SDK1: variants seen among roughly 807,000 people sequenced by gnomAD.
SDK1 encodes the protein sidekick cell adhesion molecule 1, also known as protein sidekick-1.
In SDK1, 157 loss-of-function variants were observed where a neutral mutation model predicts 245.5. The ratio of observed to expected loss-of-function variants is 0.64; its 90% CI spans 0.56 to 0.73. The LOEUF (loss-of-function observed/expected upper bound fraction) is 0.73. SDK1 is among the 30% of genes least tolerant of loss of function. The probability of loss-of-function intolerance (pLI) is 0.00; values close to 1 mark genes in which losing one functional copy is unlikely to be tolerated. For synonymous variants in SDK1, 1,647 were observed against 1,278.5 expected (o/e 1.29, Z -6.15); for missense variants, 3,583 against 3,002.3 (o/e 1.19, Z -4.52).
chr7:3,491,521 T>C (rs1050193423), intron 1 of SDK1, among the ~76,000 whole-genome samples: 1 of 152,234 alleles, frequency 6.6e-6, no homozygotes, highest in Non-Finnish European at 1.5e-5. Context: ...ATTGGAGCAT[T>C]TCTTTTTCCC....
intron 17 of SDK1, among the ~76,000 whole-genome samples, chr7:4,036,272 G>T (rs1476196748): frequency 6.6e-6 from 1 of 152,124 alleles, no homozygotes; most frequent in African/African-American, 2.4e-5. Context: ...TACTATAAGG[G>T]TACAGTGTTT....
chr7:4,232,661 C>T (rs973497880), intron 40 of SDK1, among the ~76,000 whole-genome samples: 2 of 151,638 alleles, frequency 1.3e-5, no homozygotes, highest in African/African-American at 2.4e-5. Context: ...TATATGTTTC[C>T]CTGTGTTGCC....
chr7:4,241,688 G>A (rs1020325638), intron 42 of SDK1, 105 bp from the exon 43 acceptor site: 55 of 1,424,174 alleles, frequency 3.9e-5, no homozygotes, highest in Middle Eastern at 1.8e-4. Flanking sequence ...TGGGCTCTGC[G>A]TGCAGCAGGA....
chr7:4,157,412 GAAAA>G, intron 30 of SDK1, among the ~76,000 whole-genome samples: 2 of 50,964 alleles, frequency 3.9e-5, no homozygotes, highest in African/African-American at 2.4e-4. Flanking sequence ...GAGGAATGAA[GAAAA>G]GGAGGGAAGG....
At chr7:4,038,375 CAG>C (rs952343494) in intron 17 of SDK1, among the ~76,000 whole-genome samples, 10 of 143,666 alleles carry the variant, frequency 7.0e-5, no homozygotes, top group Admixed American at 1.3e-4. Flanking sequence ...CAATTGAAGA[CAG>C]GGAATTTTTT....
At position 3,588,049 on chromosome 7, in the gene SDK1, T is replaced by C. The variant is rs191086758; in HGVS notation, c.299-31031T>C. ...AATCTTATTTCAAATGTAGTAGGGA[T>C]GTTCAGCATTTCAAGGAATCCTAGG... On this transcript the variant is annotated intron_variant, in intron 1 of 44. Coordinates refer to ENST00000404826, the MANE Select transcript of SDK1 (RefSeq NM_152744.4). 7.2e-5 allele frequency among the ~76,000 whole-genome samples: 11 copies of C among 152,356 alleles called. No individual in the cohort carries two copies. The East Asian group carries it at 2.1e-3, about 29-fold the overall frequency.
At chr7:4,037,456 A>C (rs945651120) in intron 17 of SDK1, among the ~76,000 whole-genome samples, 3 of 152,080 alleles carry the variant, frequency 2.0e-5, no homozygotes, top group Non-Finnish European at 4.4e-5. Flanking sequence ...CATCTCTACA[A>C]AAAATGCAAA....
chr7:3,910,248 G>T (rs1200785208), intron 5 of SDK1, among the ~76,000 whole-genome samples: 2 of 152,150 alleles, frequency 1.3e-5, no homozygotes, highest in African/African-American at 4.8e-5. Context: ...TTCAAAGAGA[G>T]ACAAAACAAA....
intron 14 of SDK1, among the ~76,000 whole-genome samples, chr7:4,004,864 A>G (rs953289178): frequency 3.5e-5 from 5 of 143,300 alleles, no homozygotes; most frequent in African/African-American, 1.4e-4. Flanking sequence ...TCAGGATCCA[A>G]ACATGGTCCA....
At chr7:4,024,285 A>G (rs940525559) in intron 17 of SDK1, among the ~76,000 whole-genome samples, 4 of 152,242 alleles carry the variant, frequency 2.6e-5, no homozygotes, top group Non-Finnish European at 5.9e-5. Flanking sequence ...ATTATAAATG[A>G]GCACTCTGTT....
In SDK1 at chr7:3,301,883, A is replaced by G. The variant is rs1779273918; in HGVS notation, c.297A>G (p.Gln99=). 5 of 1,129,966 alleles carry G rather than the reference A, an allele frequency of 4.4e-6. No homozygotes were observed. The highest frequency in any genetic ancestry group is 5.4e-6 in the Non-Finnish European group (5 of 923,236). The allele number at this position is 1,129,966 out of a possible 1,614,324, so 70.0% of individuals were successfully genotyped here. Residue 99 remains glutamine (Q), a splice_region_variant and synonymous_variant, in exon 1 of 45, where the codon CAA becomes CAG. Coordinates refer to ENST00000404826, the MANE Select transcript of SDK1 (RefSeq NM_152744.4). ...LQLHLLRALA[Q]DDVAPYFKTE... The stretch of plus-strand genomic sequence containing the variant: ...TGCACTTGCTCCGGGCGCTGGCGCA[A>G]GGTAGGTGCGCGCGGGGTCGCGGGC...
chr7:4,127,369 G>A lies in SDK1; in HGVS notation c.3824-12G>A. ...ATTTTGGATGCTAATCTACTTCATT[G>A]GTTCTTTGCAGTTCCTTCAGCCGCC... is the stretch of plus-strand genomic sequence containing the variant. On this transcript the variant is annotated splice_polypyrimidine_tract_variant and intron_variant, in intron 25 of 44. Transcript: ENST00000404826. 3 of 1,603,202 alleles carry A rather than the reference G, an allele frequency of 1.9e-6. No individual in the cohort carries two copies. The highest frequency in any genetic ancestry group is 2.6e-6 in the Non-Finnish European group (3 of 1,170,050).
chr7:3,842,470 G>A (rs925237338), intron 5 of SDK1, among the ~76,000 whole-genome samples: 1 of 152,116 alleles, frequency 6.6e-6, no homozygotes, highest in Non-Finnish European at 1.5e-5. Context: ...CACTGTACTG[G>A]CATGGGTACT....
chr7:4,166,634 C>T (rs1040913713), intron 32 of SDK1, among the ~76,000 whole-genome samples: 2 of 152,232 alleles, frequency 1.3e-5, no homozygotes, highest in Non-Finnish European at 2.9e-5. Flanking sequence ...CTGTTCTACT[C>T]TCCACAAAGC....
intron 4 of SDK1, among the ~76,000 whole-genome samples, chr7:3,791,735 G>A (rs1384305938): frequency 5.3e-5 from 8 of 152,174 alleles, no homozygotes; most frequent in East Asian, 1.9e-4. Context: ...TTAATCAAGG[G>A]TGATCTGTTC....
intron 4 of SDK1, among the ~76,000 whole-genome samples, chr7:3,723,934 A>G (rs1778921563): frequency 8.3e-6 from 1 of 120,436 alleles, no homozygotes; most frequent in Non-Finnish European, 1.8e-5. Flanking sequence ...GTATATATAT[A>G]TATATATATA....
intron 38 of SDK1, among the ~76,000 whole-genome samples, chr7:4,219,220 G>A (rs181415599): frequency 1.3e-5 from 2 of 152,326 alleles, no homozygotes; most frequent in Admixed American, 1.3e-4. Context: ...GAGGCCTGTA[G>A]GCCGCAAGTT....
chr7:3,846,981 T>C (rs998221086), intron 5 of SDK1, among the ~76,000 whole-genome samples: 3 of 152,296 alleles, frequency 2.0e-5, no homozygotes, highest in Middle Eastern at 3.4e-3. Context: ...ACTGCGCGGC[T>C]GGCTGTCCCC....
intron 4 of SDK1, among the ~76,000 whole-genome samples, chr7:3,697,871 G>T (rs1301203241): frequency 2.6e-5 from 4 of 152,188 alleles, no homozygotes; most frequent in Non-Finnish European, 5.9e-5. Flanking sequence ...GAATTAGATG[G>T]ACTTTTCCCT....
Sources: gnomAD v4.1 joint callset for allele counts (sites outside exome capture counted in the v4.1 genomes callset) on GRCh38, gnomAD v4.1.1 for gene constraint, MANE v1.5 for transcripts, NCBI Gene and HGNC (gene_info 2026-07-23, HGNC 2026-07-21) for gene names.